Variants in AOC2 observed in about 807,000 individuals in gnomAD.
AOC2 encodes the protein amine oxidase [copper-containing] 2.
Under a neutral mutation model 53.8 loss-of-function variants are expected in AOC2, and 57 were observed. The observed-to-expected ratio is 1.06, with a 90% CI of 0.86 to 1.32. AOC2 has a LOEUF of 1.32. AOC2 is among the 40% of genes most tolerant of loss of function. AOC2 has a pLI of 0.00. For synonymous variants in AOC2, 404 were observed against 399.0 expected, an observed-to-expected ratio of 1.01 and a Z score of -0.15; for missense variants, 1,008 against 957.2, an observed-to-expected ratio of 1.05 and a Z score of -0.70.
rs541434931 is a variant in AOC2 at position 42,846,142 on chromosome 17, C to T, written c.1516C>T (p.Arg506Cys). ...AGAGGAGGGCCTCCTCTTTGGGAAC[C>T]GTGTGGGGGAAAGAGTGCTGGGAAC... ...GGEEGLLFGN[R>C]VGERVLGTVH... The change falls in exon 1 of 4, where the codon CGT (arginine) becomes TGT (cysteine). Residue 506 changes from arginine to cysteine, a missense_variant. Coordinates refer to ENST00000253799, the MANE Select transcript of AOC2 (RefSeq NM_009590.4). 1.9e-4 allele frequency: 299 copies of T among 1,563,614 alleles called. No homozygotes were observed. The highest frequency in any genetic ancestry group is 1.9e-3 in the South Asian group (157 of 82,562).
Position 42,845,637 on chromosome 17 carries a change from G to T in AOC2, c.1011G>T (p.Val337=). 1 of 1,614,224 alleles carries T rather than the reference G, an allele frequency of 6.2e-7. No individual in the cohort carries two copies. The highest frequency in any genetic ancestry group is 1.3e-5 in the African/African-American group (1 of 75,052). Residue 337 remains valine, a synonymous_variant, in exon 1 of 4, where the codon GTG becomes GTT. Coordinates refer to ENST00000253799, the MANE Select transcript of AOC2 (RefSeq NM_009590.4). ...GGTCATTTACCTTTGGCCATGGGGT[G>T]TTCAGCGGCCTGAGGATTTTTGATG... ...SLWSFTFGHG[V]FSGLRIFDVR...
chr17:42,849,656 T>G lies in AOC2; in HGVS notation c.1930T>G (p.Tyr644Asp). 1 of 1,614,206 alleles carries G rather than the reference T, an allele frequency of 6.2e-7. No individual in the cohort carries two copies. The highest frequency in any genetic ancestry group is 8.5e-7 in the Non-Finnish European group (1 of 1,180,034). Residue 644 changes from tyrosine (Y) to aspartate (D), a missense_variant, in exon 3 of 4, where the codon TAT becomes GAT. Tyr to Asp is a radical substitution (Grantham distance 160). Transcript: ENST00000253799. ...GGAGGAGTCACAGAGCAGTAGCATC[T>G]ATCACCAGAATGACATCTGGACACC... The part of the protein sequence containing the change: ...KEEESQSSSI[Y>D]HQNDIWTPTV...
At chr17:42,849,475 T>C in intron 2 of AOC2, 104 bp downstream of exon 2, 1 of 1,579,316 alleles carries the variant, frequency 6.3e-7, no homozygotes, top group Non-Finnish European at 8.6e-7. Context: ...TCCCTGTACC[T>C]CCCCTCAAAC....
Position 42,844,730 on chromosome 17 carries a change from C to T in AOC2, c.104C>T (p.Pro35Leu), listed in dbSNP as rs772504327. 8 of 1,614,230 alleles carry T rather than the reference C, an allele frequency of 5.0e-6. No individual in the cohort carries two copies. The highest frequency in any genetic ancestry group is 5.9e-6 in the Non-Finnish European group (7 of 1,180,038). Residue 35 changes from proline to leucine, a missense_variant, in exon 1 of 4, where the codon CCC becomes CTC. Coordinates refer to ENST00000253799, the MANE Select transcript of AOC2 (RefSeq NM_009590.4). ...LTSPGGSSQP[P>L]HCPSVSHRAQ... ...AGCCCAGGTGGTTCCAGCCAGCCTC[C>T]CCACTGCCCCTCTGTATCCCATAGG...
At position 42,845,463 on chromosome 17, in the gene AOC2, G is replaced by A. The variant is rs1339282581; in HGVS notation, c.837G>A (p.Arg279=). 4 of 1,614,188 alleles carry A rather than the reference G, an allele frequency of 2.5e-6. No individual in the cohort carries two copies. The South Asian group carries it at 4.4e-5, about 18-fold the overall frequency. The part of the protein sequence containing the change: ...GQLEREFKSG[R]LEVVRVPLPP... ...TGGAACGGGAGTTTAAGTCTGGCCG[G>A]TTGGAAGTGGTTAGAGTCCCTCTAC... The change falls in exon 1 of 4, where the codon CGG becomes CGA. Residue 279 remains arginine (R), a synonymous_variant. Transcript: ENST00000253799.
chr17:42,850,472 C>G lies in AOC2; in HGVS notation c.*124C>G. 2.6e-6 allele frequency: 3 copies of G among 1,173,724 alleles called. No homozygotes were observed. Among genetic ancestry groups the G allele is most frequent in the Non-Finnish European group, 3.5e-6 (3 of 853,326 alleles). The allele number at this position is 1,173,724 out of a possible 1,614,324, so 72.7% of individuals were successfully genotyped here. A position where few individuals can be genotyped will look rare whatever the true frequency, so the allele number is the denominator to read the frequency against. ...CCACCCCCTCAATGTTCCTCTCACA[C>G]GAAACCCCCATCAGTCCCTTTGGTT... is the stretch of plus-strand genomic sequence containing the variant. On this transcript the variant is annotated 3_prime_UTR_variant, in exon 4 of 4. Coordinates refer to ENST00000253799, the MANE Select transcript of AOC2 (RefSeq NM_009590.4).
At chr17:42,850,002 C>A in intron 3 of AOC2, 80 bp from the exon 4 acceptor site, 1 of 1,544,354 alleles carries the variant, frequency 6.5e-7, no homozygotes. Context: ...CAGGCTGAGA[C>A]TGGAGGCTGG....
intron 3 of AOC2, 49 bp downstream of exon 3, chr17:42,849,779 C>A: frequency 6.2e-7 from 1 of 1,611,562 alleles, no homozygotes. Context: ...GGCATGGCAT[C>A]TTGGCTGCCC....
At chr17:42,849,989 A>AGCCAGG in intron 3 of AOC2, 93 bp from the exon 4 acceptor site, 1 of 1,518,052 alleles carries the variant, frequency 6.6e-7, no homozygotes, top group Non-Finnish European at 8.9e-7. Context: ...GGAGAGTGGA[A>AGCCAGG]GCCAGGCTGA....
chr17:42,845,415 C>T lies in AOC2; in HGVS notation c.789C>T (p.His263=). Residue 263 remains histidine, a synonymous_variant, in exon 1 of 4, where the codon CAC becomes CAT. Transcript: ENST00000253799. ...TCCAGCAGGTCTTCTACCTTGGGCACTACTATGCAGACTTGGGCCAGTTGG... is the reference window on the plus strand; with the variant it reads ...TCCAGCAGGTCTTCTACCTTGGGCATTACTATGCAGACTTGGGCCAGTTGG... ...WTVQQVFYLG[H]YYADLGQLER... The T allele has an allele frequency of 6.2e-7, 1 of 1,614,204 alleles. No individual in the cohort carries two copies. Among genetic ancestry groups the T allele is most frequent in the East Asian group, 2.2e-5 (1 of 44,884 alleles).
rs1385656716 is a variant in AOC2, at chr17:42,845,390, T to C, written c.764T>C (p.Val255Ala). ...HRALDPAHWT[V>A]QQVFYLGHYY... is the part of the protein sequence containing the mutation. ...GCCCTGGACCCTGCCCACTGGACTG[T>C]CCAGCAGGTCTTCTACCTTGGGCAC... Residue 255 changes from valine (V) to alanine (A), a missense_variant, in exon 1 of 4, where the codon GTC becomes GCC. By Grantham distance (64) the Val-to-Ala change is moderately conservative. Transcript: ENST00000253799. The C allele has an allele frequency of 2.5e-6, 4 of 1,614,056 alleles. No individual in the cohort carries two copies. Among genetic ancestry groups the C allele is most frequent in the South Asian group, 1.1e-5 (1 of 91,090 alleles).
In AOC2 at chr17:42,848,528, T is replaced by TATATATAC. The variant is rs1263176048; in HGVS notation, c.1589-551_1589-550insCATATATA. On this transcript the variant is annotated intron_variant, in intron 1 of 3. Coordinates refer to ENST00000253799, the MANE Select transcript of AOC2 (RefSeq NM_009590.4). ...GCTAGTGTGACAGAGGAACTGAATA[T>TATATATAC]ATATATATATATATATACATATATA... 7.2e-4 allele frequency among the ~76,000 whole-genome samples: 100 copies of TATATATAC among 138,930 alleles called. 5 individuals carry two copies. Among genetic ancestry groups the TATATATAC allele is most frequent in the Middle Eastern group, 3.6e-3 (1 of 278 alleles). 91.1% of individuals were successfully genotyped at this position (138,930 alleles called of 152,430 possible).
At chr17:42,848,524 A>AATATATATATATATAT (rs71228780) in intron 1 of AOC2, among the ~76,000 whole-genome samples, 12 of 131,252 alleles carry the variant, frequency 9.1e-5, no homozygotes, top group African/African-American at 3.6e-4. Context: ...AGAGGAACTG[A>AATATATATATATATAT]ATATATATAT....
chr17:42,850,464 C>T lies in AOC2; in HGVS notation c.*116C>T. 1.6e-6 allele frequency: 2 copies of T among 1,284,208 alleles called. No individual in the cohort carries two copies. The highest frequency in any genetic ancestry group is 1.1e-6 in the Non-Finnish European group (1 of 950,292). The allele number at this position is 1,284,208 out of a possible 1,614,324, so 79.6% of individuals were successfully genotyped here. On this transcript the variant is annotated 3_prime_UTR_variant, in exon 4 of 4. Transcript: ENST00000253799. ...CCAGATTCCCACCCCCTCAATGTTCCTCTCACACGAAACCCCCATCAGTCC... is the reference window on the plus strand; with the variant it reads ...CCAGATTCCCACCCCCTCAATGTTCTTCTCACACGAAACCCCCATCAGTCC...
In AOC2 at chr17:42,849,248, A is replaced by G. The variant is rs1220237004; in HGVS notation, c.1751A>G (p.Tyr584Cys). The G allele has an allele frequency of 6.2e-7, 1 of 1,614,086 alleles. No homozygotes were observed. The highest frequency in any genetic ancestry group is 2.2e-5 in the East Asian group (1 of 44,872). The change falls in exon 2 of 4, where the codon TAC (tyrosine) becomes TGC (cysteine). Residue 584 changes from tyrosine (Y) to cysteine (C), a missense_variant. Transcript: ENST00000253799. ...SLGSPLPRYL[Y>C]LASNQTNAWG... The stretch of plus-strand genomic sequence containing the variant: ...GGAAGCCCCCTACCCCGCTACCTCT[A>G]CCTGGCTAGCAACCAGACTAATGCG...
rs774322251 is a variant in AOC2, at chr17:42,850,207, C to T, written c.2130C>T (p.Asp710=). The change falls in exon 4 of 4, where the codon GAC becomes GAT. Residue 710 remains aspartate (D), a synonymous_variant. Transcript: ENST00000253799. The part of the protein sequence containing the change: ...LLRPYNFFDE[D]PSIFSPGSVY... ...GACCCTATAACTTCTTTGATGAGGACCCCTCCATCTTCTCCCCTGGCAGTG... is the reference window on the plus strand; with the variant it reads ...GACCCTATAACTTCTTTGATGAGGATCCCTCCATCTTCTCCCCTGGCAGTG... The T allele has an allele frequency of 1.9e-6, 3 of 1,614,142 alleles. No homozygotes were observed. The highest frequency in any genetic ancestry group is 1.1e-5 in the South Asian group (1 of 91,080).
In AOC2 at chr17:42,850,294, C is replaced by A. The variant is rs773056749; in HGVS notation, c.2217C>A (p.Pro739=). ...LCSINPVACL[P]DLAACVPDLP... ...GCATCAATCCTGTGGCCTGCCTCCC[C>A]GACCTGGCAGCCTGTGTCCCGGACT... Residue 739 remains proline, a synonymous_variant, in exon 4 of 4, where the codon CCC becomes CCA. Transcript: ENST00000253799. The A allele has an allele frequency of 6.2e-7, 1 of 1,613,410 alleles. No homozygotes were observed. Among genetic ancestry groups the A allele is most frequent in the Non-Finnish European group, 8.5e-7 (1 of 1,179,486 alleles).
At position 42,850,037 on chromosome 17, in the gene AOC2, T is replaced by C. The variant is rs370516177; in HGVS notation, c.2005-45T>C. The C allele has an allele frequency of 2.6e-5, 41 of 1,587,888 alleles. No individual in the cohort carries two copies. In the Admixed American group the frequency reaches 5.5e-4, roughly 21 times the overall value. On this transcript the variant is annotated intron_variant, in intron 3 of 3. Coordinates refer to ENST00000253799, the MANE Select transcript of AOC2 (RefSeq NM_009590.4). ...GGATTGTGACTGAAGGGTGGTTCTT[T>C]GGGTCACGCTTCCATAGTCCTCCAG... is the stretch of plus-strand genomic sequence containing the variant.
Position 42,844,744 on chromosome 17 carries a change from G to A in AOC2, c.118G>A (p.Val40Ile), listed in dbSNP as rs1458705447. 1 of 1,614,200 alleles carries A rather than the reference G, an allele frequency of 6.2e-7. No individual in the cohort carries two copies. The highest frequency in any genetic ancestry group is 2.2e-5 in the East Asian group (1 of 44,882). ...GSSQPPHCPS[V>I]SHRAQPWPHP... ...CAGCCAGCCTCCCCACTGCCCCTCT[G>A]TATCCCATAGGGCCCAGCCCTGGCC... Residue 40 changes from valine (V) to isoleucine (I), a missense_variant, in exon 1 of 4, where the codon GTA becomes ATA. By Grantham distance (29) the Val-to-Ile change is conservative. Coordinates refer to ENST00000253799, the MANE Select transcript of AOC2 (RefSeq NM_009590.4).
Sources: allele counts gnomAD v4.1 joint callset (sites outside exome capture counted in the v4.1 genomes callset), GRCh38; gene constraint gnomAD v4.1.1; transcripts MANE v1.5; gene names NCBI Gene and HGNC (gene_info 2026-07-23, HGNC 2026-07-21).